The following RASL11A variants were observed in gnomAD, a reference collection of about 807,000 sequenced individuals.
RASL11A encodes RAS like family 11 member A, also known as ras-like protein family member 11A.
Under a neutral mutation model 17.1 loss-of-function variants are expected in RASL11A, and 14 were observed. That is an observed-to-expected ratio of 0.82 (90% confidence interval 0.54 to 1.28). The LOEUF (loss-of-function observed/expected upper bound fraction) is 1.28, where lower values mean the gene tolerates loss of function less well. Among genes scored for constraint, RASL11A ranks in the 50% most tolerant of loss-of-function variants. RASL11A has a pLI of 0.00. For missense variants in RASL11A, 283 were observed against 312.3 expected (o/e 0.91, Z 0.71); for synonymous variants, 146 against 132.5 (o/e 1.10, Z -0.70).
chr13:27,271,639 G>A lies in RASL11A; in HGVS notation c.182G>A (p.Gly61Asp). The A allele has an allele frequency of 6.2e-7, 1 of 1,614,094 alleles. No individual in the cohort carries two copies. Among genetic ancestry groups the A allele is most frequent in the Non-Finnish European group, 8.5e-7 (1 of 1,179,978 alleles). ...AAGCAAACTCTACTTCATTCTCCAGGCAAGCTGTATTCACGGCTGGTCTAT... is the reference window on the plus strand; with the variant it reads ...AAGCAAACTCTACTTCATTCTCCAGACAAGCTGTATTCACGGCTGGTCTAT... ...RFIGDYEPNT[G>D]KLYSRLVYVE... Residue 61 changes from glycine to aspartate, a missense_variant and splice_region_variant, in exon 3 of 4, where the codon GGC (glycine) becomes GAC (aspartate). Gly to Asp is a moderately conservative substitution (Grantham distance 94). Transcript: ENST00000241463.
chr13:27,271,427 C>G, intron 1 of RASL11A, 57 bp from the exon 2 acceptor site: 1 of 1,602,604 alleles, frequency 6.2e-7, no homozygotes, highest in African/African-American at 1.3e-5. Context: ...GTCCGAGGTG[C>G]CTGGGTTTGA....
Position 27,271,622 on chromosome 13 carries a change from T to C in RASL11A, c.182-17T>C, listed in dbSNP as rs1254940257. The C allele has an allele frequency of 1.9e-6, 3 of 1,613,812 alleles. No individual in the cohort carries two copies. In the East Asian group the frequency reaches 6.7e-5, roughly 36 times the overall value. On this transcript the variant is annotated splice_polypyrimidine_tract_variant and intron_variant, in intron 2 of 3. Transcript: ENST00000241463. ...GGAGTTTGAGAATTAAAAAGCAAAC[T>C]CTACTTCATTCTCCAGGCAAGCTGT...
At position 27,274,653 on chromosome 13, in the gene RASL11A, A is replaced by G. The variant is rs1214598933; in HGVS notation, c.*1159A>G. Among the ~76,000 whole-genome samples the G allele has an allele frequency of 1.3e-5, 2 of 152,184 alleles. No individual in the cohort carries two copies. Among genetic ancestry groups the G allele is most frequent in the Non-Finnish European group, 2.9e-5 (2 of 68,024 alleles). On this transcript the variant is annotated 3_prime_UTR_variant, in exon 4 of 4. Coordinates refer to ENST00000241463, the MANE Select transcript of RASL11A (RefSeq NM_206827.2). The stretch of plus-strand genomic sequence containing the variant: ...TTTAAAAACCCAAGTCACATGCTAT[A>G]TTCAGCTCTGAAATGCCTTCTCTGG...
intron 2 of RASL11A, 45 bp downstream of exon 2, chr13:27,271,585 T>C (rs558045489): frequency 6.2e-7 from 1 of 1,613,468 alleles, no homozygotes; most frequent in East Asian, 2.2e-5. Flanking sequence ...TGCGTGTTTC[T>C]TTTTACGGAT....
Position 27,273,312 on chromosome 13 carries a change from G to A in RASL11A, c.547G>A (p.Glu183Lys), listed in dbSNP as rs200613411. 39 of 1,614,200 alleles carry A rather than the reference G, an allele frequency of 2.4e-5. No homozygotes were observed. The East Asian group carries it at 5.6e-4, about 23-fold the overall frequency. ...TGAAATTTCCACTAGCGAAAACTAC[G>A]AAGATGTCTGTGATGTGTTTCAGCA... Reference protein sequence around the residue: ...FLEISTSENYEDVCDVFQHLC... With the variant: ...FLEISTSENYKDVCDVFQHLC... Residue 183 changes from glutamate to lysine, a missense_variant, in exon 4 of 4, where the codon GAA becomes AAA. By Grantham distance (56) the Glu-to-Lys change is moderately conservative. Transcript: ENST00000241463.
intron 1 of RASL11A, 165 bp downstream of exon 1, chr13:27,271,233 C>T: frequency 1.4e-6 from 2 of 1,447,430 alleles, no homozygotes; most frequent in South Asian, 1.5e-5. Flanking sequence ...CGGCCTGCTT[C>T]CCTGGCGTTT....
chr13:27,273,200 G>T lies in RASL11A; in HGVS notation c.435G>T (p.Val145=). ...ACTCTAAAGCCCCTGTCATCATCGT[G>T]GGCAACAAGGGGGACCTTTTGCATG... is the stretch of plus-strand genomic sequence containing the variant. ...HPDSKAPVII[V]GNKGDLLHAR... The change falls in exon 4 of 4, where the codon GTG becomes GTT. Residue 145 remains valine, a synonymous_variant. Coordinates refer to ENST00000241463, the MANE Select transcript of RASL11A (RefSeq NM_206827.2). 1.2e-6 allele frequency: 2 copies of T among 1,614,182 alleles called. No homozygotes were observed. The highest frequency in any genetic ancestry group is 1.7e-6 in the Non-Finnish European group (2 of 1,180,030).
At chr13:27,272,912 C>G in intron 3 of RASL11A, 115 bp from the exon 4 acceptor site, 1 of 817,110 alleles carries the variant, frequency 1.2e-6, no homozygotes. Flanking sequence ...AAACTGAAAA[C>G]TGTATTTAGA....
Position 27,271,673 on chromosome 13 carries a change from GGAC to G in RASL11A, c.217_219del (p.Asp73del). On this transcript the variant is annotated inframe_deletion, in exon 3 of 4. Coordinates refer to ENST00000241463, the MANE Select transcript of RASL11A (RefSeq NM_206827.2). ...ATTCACGGCTGGTCTATGTCGAGGG[GGAC>G]CAGCTCTCCCTGCAGATCCAGGATA... 1 of 1,613,380 alleles carries G rather than the reference GGAC, an allele frequency of 6.2e-7. No individual in the cohort carries two copies. The highest frequency in any genetic ancestry group is 8.5e-7 in the Non-Finnish European group (1 of 1,179,844).
At chr13:27,272,560 C>G (rs371033753) in intron 3 of RASL11A, among the ~76,000 whole-genome samples, 1 of 152,206 alleles carries the variant, frequency 6.6e-6, no homozygotes, top group South Asian at 2.1e-4. Flanking sequence ...CTACTCCGTT[C>G]TCCAGAGGAA....
At position 27,271,516 on chromosome 13, in the gene RASL11A, A is replaced by T. The variant is rs1882287470; in HGVS notation, c.157A>T (p.Ile53Phe). 6.2e-7 allele frequency: 1 copy of T among 1,614,198 alleles called. No individual in the cohort carries two copies. The highest frequency in any genetic ancestry group is 8.5e-7 in the Non-Finnish European group (1 of 1,180,020). The change falls in exon 2 of 4, where the codon ATT becomes TTT. Residue 53 changes from isoleucine to phenylalanine, a missense_variant. Ile to Phe is a conservative substitution (Grantham distance 21, BLOSUM62 0). Transcript: ENST00000241463. ...MIVRFLTKRFIGDYEPNTGKL... is the reference protein window; with the variant it reads ...MIVRFLTKRFFGDYEPNTGKL... ...CGTGCGCTTCCTGACCAAGAGATTC[A>T]TTGGAGACTATGAACCGAATACAGG...
At position 27,271,434 on chromosome 13, in the gene RASL11A, T is replaced by C. The variant is rs151140476; in HGVS notation, c.125-50T>C. The C allele has an allele frequency of 3.4e-4, 543 of 1,609,492 alleles. 3 individuals carry two copies. The African/African-American group carries it at 6.6e-3, about 20-fold the overall frequency. The stretch of plus-strand genomic sequence containing the variant: ...CCCAGTTTGTCCGAGGTGCCTGGGT[T>C]TGACAGGCTTGTTCTACTCCTTCGG... On this transcript the variant is annotated intron_variant, in intron 1 of 3. Coordinates refer to ENST00000241463, the MANE Select transcript of RASL11A (RefSeq NM_206827.2).
chr13:27,272,140 G>A (rs947597066), intron 3 of RASL11A, among the ~76,000 whole-genome samples: 2 of 152,110 alleles, frequency 1.3e-5, no homozygotes, highest in African/African-American at 4.8e-5. Flanking sequence ...TTTTTGAGAC[G>A]GAGTTTCACT....
At position 27,273,690 on chromosome 13, in the gene RASL11A, C is replaced by CTTTT. The variant is rs11304490; in HGVS notation, c.*223_*226dup. The CTTTT allele has an allele frequency of 0.046, 3,342 of 72,452 alleles. 248 individuals carry two copies. The highest frequency in any genetic ancestry group is 0.061 in the Non-Finnish European group (2,424 of 39,948). 4.5% of individuals were successfully genotyped at this position (72,452 alleles called of 1,614,324 possible). ...ATTTTGTTTTGTTTTATTAAAAGAACTTTTTTTTTTTTTTTTTTTTTTTTT... is the reference window on the plus strand; with the variant it reads ...ATTTTGTTTTGTTTTATTAAAAGAACTTTTTTTTTTTTTTTTTTTTTTTTTTTTT... On this transcript the variant is annotated 3_prime_UTR_variant, in exon 4 of 4. Transcript: ENST00000241463.
chr13:27,272,744 C>G (rs1356271626), intron 3 of RASL11A, among the ~76,000 whole-genome samples: 1 of 152,114 alleles, frequency 6.6e-6, no homozygotes, highest in Non-Finnish European at 1.5e-5. Flanking sequence ...GGTTTGAGGT[C>G]ATTCTTCAGT....
chr13:27,272,253 T>TAGCTGGGACTACAGGCACCCGCCGG (rs1034282216), intron 3 of RASL11A, among the ~76,000 whole-genome samples: 2 of 152,126 alleles, frequency 1.3e-5, no homozygotes, highest in African/African-American at 2.4e-5. Context: ...GTCTCCCGAG[T>TAGCTGGGACTACAGGCACCCGCCGG]AGCTGGGACT....
At chr13:27,272,841 G>T (rs2137926703) in intron 3 of RASL11A, among the ~76,000 whole-genome samples, 186 bp from the exon 4 acceptor site, 1 of 152,312 alleles carries the variant, frequency 6.6e-6, no homozygotes, top group East Asian at 1.9e-4. Flanking sequence ...CTCAGGCAGG[G>T]AGTTTGCCTG....
chr13:27,272,902 A>G, intron 3 of RASL11A, 125 bp from the exon 4 acceptor site: 1 of 757,008 alleles, frequency 1.3e-6, no homozygotes, highest in Non-Finnish European at 2.1e-6. Context: ...AGCTGGGTGG[A>G]AACTGAAAAC....
chr13:27,273,529 G>A lies in RASL11A; in HGVS notation c.*35G>A, dbSNP rs187470569. ...GACAGATGCCTCTCCTTTTTAATAC[G>A]CATTTGTGCAGCTAAAAGACTGGGC... On this transcript the variant is annotated 3_prime_UTR_variant, in exon 4 of 4. Coordinates refer to ENST00000241463, the MANE Select transcript of RASL11A (RefSeq NM_206827.2). 6.0e-6 allele frequency: 9 copies of A among 1,503,044 alleles called. No individual in the cohort carries two copies. The East Asian group carries it at 9.1e-5, about 15-fold the overall frequency. The allele number at this position is 1,503,044 out of a possible 1,614,324, so 93.1% of individuals were successfully genotyped here.
Sources: allele counts gnomAD v4.1 joint callset (sites outside exome capture counted in the v4.1 genomes callset), GRCh38; gene constraint gnomAD v4.1.1; transcripts MANE v1.5; gene names NCBI Gene and HGNC (gene_info 2026-07-23, HGNC 2026-07-21).